Variants in BBS9 observed in about 807,000 individuals in gnomAD.
BBS9 encodes the protein Bardet-Biedl syndrome 9, also known as protein PTHB1.
BBS9 carries 89 observed loss-of-function variants against 117.7 expected under a neutral mutation model. That is an observed-to-expected ratio of 0.76 (90% CI 0.64 to 0.90). The LOEUF is 0.90. BBS9 is among the 40% of genes least tolerant of loss of function. The probability of loss-of-function intolerance (pLI) is 0.00; values close to 1 mark genes in which losing one functional copy is unlikely to be tolerated. For missense variants in BBS9, 982 were observed against 1,042.2 expected, an observed-to-expected ratio of 0.94 and a Z score of 0.80; for synonymous variants, 379 against 370.9, an observed-to-expected ratio of 1.02 and a Z score of -0.25.
intron 19 of BBS9, among the ~76,000 whole-genome samples, chr7:33,433,024 C>T (rs1361763383): frequency 6.6e-6 from 1 of 152,038 alleles, no homozygotes; most frequent in African/African-American, 2.4e-5. Flanking sequence ...CCATCAATCA[C>T]CTAGCCACTT....
At chr7:33,338,223 A>G (rs1165393202) in intron 10 of BBS9, among the ~76,000 whole-genome samples, 1 of 152,150 alleles carries the variant, frequency 6.6e-6, no homozygotes. Flanking sequence ...AAAGAAACAA[A>G]GGGAAACTTT....
intron 9 of BBS9, among the ~76,000 whole-genome samples, chr7:33,334,555 T>C (rs1480205148): frequency 6.6e-6 from 1 of 152,054 alleles, no homozygotes; most frequent in African/African-American, 2.4e-5. Context: ...GAGCTGAAAG[T>C]TGGGATTTCC....
chr7:33,487,841 T>C (rs1182954200), intron 19 of BBS9, among the ~76,000 whole-genome samples: 1 of 152,208 alleles, frequency 6.6e-6, no homozygotes, highest in African/African-American at 2.4e-5. Context: ...TAGCTCTCTT[T>C]CCACATGCCC....
intron 19 of BBS9, among the ~76,000 whole-genome samples, chr7:33,404,159 T>C (rs1003434537): frequency 9.9e-5 from 15 of 152,264 alleles, no homozygotes; most frequent in African/African-American, 1.4e-4. Context: ...GTTGTAGATA[T>C]GCGGCGTTAT....
chr7:33,439,921 T>G (rs1256325087), intron 19 of BBS9, among the ~76,000 whole-genome samples: 2 of 152,192 alleles, frequency 1.3e-5, no homozygotes, highest in African/African-American at 4.8e-5. Flanking sequence ...AGGACTTGAC[T>G]GTGAGGTAGG....
intron 9 of BBS9, among the ~76,000 whole-genome samples, chr7:33,302,235 C>T: frequency 6.6e-6 from 1 of 152,090 alleles, no homozygotes; most frequent in East Asian, 1.9e-4. Flanking sequence ...GTTGTCTCTT[C>T]ACTTGGTTGA....
chr7:33,615,892 G>A (rs1250254372), intron 21 of BBS9, among the ~76,000 whole-genome samples: 1 of 152,040 alleles, frequency 6.6e-6, no homozygotes, highest in Non-Finnish European at 1.5e-5. Context: ...GAAGGGTGGA[G>A]TAAAGTATTT....
intron 19 of BBS9, among the ~76,000 whole-genome samples, chr7:33,437,682 TG>T (rs1382107153): frequency 6.6e-6 from 1 of 152,110 alleles, no homozygotes; most frequent in Non-Finnish European, 1.5e-5. Flanking sequence ...GAGACCAGCC[TG>T]GCCAACATGG....
At chr7:33,245,984 G>T (rs1795271334) in intron 5 of BBS9, among the ~76,000 whole-genome samples, 1 of 152,080 alleles carries the variant, frequency 6.6e-6, no homozygotes, top group Non-Finnish European at 1.5e-5. Context: ...AATTCTGGAG[G>T]TACTGGAGTA....
chr7:33,406,006 A>G (rs1304392482), intron 19 of BBS9, among the ~76,000 whole-genome samples: 2 of 151,286 alleles, frequency 1.3e-5, no homozygotes, highest in Non-Finnish European at 3.0e-5. Context: ...CCCTCTACAC[A>G]CTGCTTTGAA....
chr7:33,155,185 T>A (rs1391868648), intron 3 of BBS9, among the ~76,000 whole-genome samples: 2 of 152,226 alleles, frequency 1.3e-5, no homozygotes, highest in Non-Finnish European at 2.9e-5. Flanking sequence ...ATGATTGGTG[T>A]TTTGTGATGT....
intron 21 of BBS9, among the ~76,000 whole-genome samples, chr7:33,594,726 A>T (rs1862456917): frequency 6.6e-6 from 1 of 152,144 alleles, no homozygotes; most frequent in African/African-American, 2.4e-5. Flanking sequence ...CTGATTCACC[A>T]TGCTGTATTA....
At chr7:33,540,558 C>T (rs1852131469) in intron 21 of BBS9, among the ~76,000 whole-genome samples, 2 of 152,092 alleles carry the variant, frequency 1.3e-5, no homozygotes, top group African/African-American at 4.8e-5. Context: ...TGTACATTTT[C>T]TGAAAATGAC....
rs1013210167 is a variant in BBS9 at position 33,244,550 on chromosome 7, T to C, written c.443-12686T>C. Among the ~76,000 whole-genome samples, 6 of 152,182 alleles carry C rather than the reference T, an allele frequency of 3.9e-5. No homozygotes were observed. The South Asian group carries it at 1.2e-3, about 31-fold the overall frequency. On this transcript the variant is annotated intron_variant, in intron 5 of 22. Transcript: ENST00000242067. ...AGTATGGGTGCTGGGGGAAGTTGGCTTGATACTTTTTTTAAAGCATGCTAA... is the reference window on the plus strand; with the variant it reads ...AGTATGGGTGCTGGGGGAAGTTGGCCTGATACTTTTTTTAAAGCATGCTAA...
chr7:33,152,607 A>G, intron 2 of BBS9, 94 bp from the exon 3 acceptor site: 1 of 1,205,392 alleles, frequency 8.3e-7, no homozygotes, highest in Non-Finnish European at 1.2e-6. Context: ...TTTAATTTTT[A>G]GATTTCTCTT....
At chr7:33,266,380 G>C (rs1028020650) in intron 7 of BBS9, among the ~76,000 whole-genome samples, 1 of 152,122 alleles carries the variant, frequency 6.6e-6, no homozygotes, top group Non-Finnish European at 1.5e-5. Flanking sequence ...AGCTTCCTGT[G>C]TTACTCACAG....
chr7:33,213,724 T>C (rs1788496367), intron 5 of BBS9, among the ~76,000 whole-genome samples: 1 of 151,984 alleles, frequency 6.6e-6, no homozygotes, highest in South Asian at 2.1e-4. Flanking sequence ...GGATCTTTCC[T>C]TTCAAGGCAG....
chr7:33,544,958 G>A (rs1853052755), intron 21 of BBS9, among the ~76,000 whole-genome samples: 1 of 151,020 alleles, frequency 6.6e-6, no homozygotes, highest in South Asian at 2.1e-4. Flanking sequence ...AGTCATGCAG[G>A]TTGTCAGGGA....
At chr7:33,192,384 A>G (rs1416086692) in intron 5 of BBS9, among the ~76,000 whole-genome samples, 1 of 152,344 alleles carries the variant, frequency 6.6e-6, no homozygotes, top group South Asian at 2.1e-4. Context: ...ATATTTAGTG[A>G]TGATACATTT....
Sources: gnomAD v4.1 joint callset for allele counts (sites outside exome capture counted in the v4.1 genomes callset) on GRCh38, gnomAD v4.1.1 for gene constraint, MANE v1.5 for transcripts, NCBI Gene and HGNC (gene_info 2026-07-23, HGNC 2026-07-21) for gene names.